The following DYNC2H1 variants were observed in gnomAD, a reference collection of about 807,000 sequenced individuals.
DYNC2H1 encodes dynein cytoplasmic 2 heavy chain 1.
Under a neutral mutation model 570.0 loss-of-function variants are expected in DYNC2H1, and 410 were observed. The observed-to-expected ratio is 0.72, with a 90% CI of 0.66 to 0.78. The LOEUF (loss-of-function observed/expected upper bound fraction) is 0.78. DYNC2H1 is among the 30% of genes least tolerant of loss of function. DYNC2H1 has a pLI of 0.00. For synonymous variants in DYNC2H1, 1,688 were observed against 1,677.6 expected (o/e 1.01, Z -0.15); for missense variants, 4,865 against 5,046.4 (o/e 0.96, Z 1.09).
rs376307935 is a variant in DYNC2H1 at position 103,170,912 on chromosome 11, A to C, written c.5178A>C (p.Arg1726=). The part of the protein sequence containing the change: ...DEGIDVKSMG[R]IFVGLVKCGA... ...GCATCGATGTGAAGTCAATGGGACGAATATTTGTTGGTTTGGTGAAGTGTG... is the reference window on the plus strand; with the variant it reads ...GCATCGATGTGAAGTCAATGGGACGCATATTTGTTGGTTTGGTGAAGTGTG... Residue 1726 remains arginine, a synonymous_variant, in exon 34 of 89, where the codon CGA becomes CGC. Coordinates refer to ENST00000375735, the MANE Select transcript of DYNC2H1 (RefSeq NM_001377.3). The surrounding 1 kb of genome is among the most constrained non-coding windows in gnomAD (Gnocchi z 4.8). 7.6e-6 allele frequency: 12 copies of C among 1,577,868 alleles called. No individual in the cohort carries two copies. The highest frequency in any genetic ancestry group is 1.7e-4 in the Middle Eastern group (1 of 5,914).
intron 85 of DYNC2H1, among the ~76,000 whole-genome samples, chr11:103,441,232 T>G (rs1371311034): frequency 6.6e-6 from 1 of 152,028 alleles, no homozygotes; most frequent in African/African-American, 2.4e-5. Flanking sequence ...CTGCTTCCTC[T>G]CCTTGGAATG....
At chr11:103,143,513 A>G in intron 18 of DYNC2H1, 118 bp downstream of exon 18, 2 of 1,001,540 alleles carry the variant, frequency 2.0e-6, no homozygotes, top group Non-Finnish European at 2.8e-6. Flanking sequence ...TCCAGATCTC[A>G]TTTATGACAC....
Position 103,209,003 on chromosome 11 carries a change from T to C in DYNC2H1, c.8455-873T>C, listed in dbSNP as rs618011. On this transcript the variant is annotated intron_variant, in intron 52 of 88. Transcript: ENST00000375735. The surrounding 1 kb of genome is among the most constrained non-coding windows in gnomAD (Gnocchi z 4.2). ...AAAATATAAGTTTAAAATATTCTCGTATAGGTTTAAGTGTTTTGTCAGAAA... is the reference window on the plus strand; with the variant it reads ...AAAATATAAGTTTAAAATATTCTCGCATAGGTTTAAGTGTTTTGTCAGAAA... Among the ~76,000 whole-genome samples the C allele has an allele frequency of 0.93, 141,765 of 152,180 alleles. 66,059 individuals carry two copies. Among genetic ancestry groups the C allele is most frequent in the African/African-American group, 0.94 (39,048 of 41,514 alleles).
rs532660914 is a variant in DYNC2H1 at position 103,395,834 on chromosome 11, T to C, written c.12157-3829T>C. 6.6e-6 allele frequency among the ~76,000 whole-genome samples: 1 copy of C among 152,286 alleles called. No homozygotes were observed. Among genetic ancestry groups the C allele is most frequent in the African/African-American group, 2.4e-5 (1 of 41,562 alleles). On this transcript the variant is annotated intron_variant, in intron 83 of 88. Coordinates refer to ENST00000375735, the MANE Select transcript of DYNC2H1 (RefSeq NM_001377.3). The surrounding 1 kb of genome is among the most constrained non-coding windows in gnomAD (Gnocchi z 4.3). Reference sequence around the variant, plus strand: ...CTGTGGACTAAGACTTGGGAAAGGCTTCTGCCCAGACGATAGGAAATGATT... The same window carrying C: ...CTGTGGACTAAGACTTGGGAAAGGCCTCTGCCCAGACGATAGGAAATGATT...
At position 103,244,033 on chromosome 11, in the gene DYNC2H1, G is replaced by A. The variant is rs1864518795; in HGVS notation, c.9918+242G>A. On this transcript the variant is annotated intron_variant, in intron 64 of 88. Coordinates refer to ENST00000375735, the MANE Select transcript of DYNC2H1 (RefSeq NM_001377.3). This position sits in a 1 kb window ranked among gnomAD's most constrained non-coding sequence, Gnocchi z 4.3. ...AATAGTGAGTTCCTTCCCTTATAAA[G>A]ATGACAGTCTAGTAGGTTAGAGAAA... Among the ~76,000 whole-genome samples the A allele has an allele frequency of 6.6e-6, 1 of 152,080 alleles. No individual in the cohort carries two copies. The highest frequency in any genetic ancestry group is 2.4e-5 in the African/African-American group (1 of 41,444).
intron 70 of DYNC2H1, among the ~76,000 whole-genome samples, chr11:103,272,180 CCATCAGTGATAGACTGGATT>C (rs1865734317): frequency 6.6e-6 from 1 of 152,206 alleles, no homozygotes; most frequent in African/African-American, 2.4e-5. Context: ...ACCCAAATGT[CCATCAGTGATAGACTGGATT>C]AAGCAAATGT....
At chr11:103,440,113 C>T (rs565183) in intron 85 of DYNC2H1, among the ~76,000 whole-genome samples, 32,910 of 151,966 alleles carry the variant, frequency 0.22, 4,030 homozygotes, top group African/African-American at 0.31. Context: ...ATCCCTTGAC[C>T]GTACACCTGT....
At chr11:103,348,673 A>G (rs1321014896) in intron 82 of DYNC2H1, among the ~76,000 whole-genome samples, 1 of 152,152 alleles carries the variant, frequency 6.6e-6, no homozygotes, top group African/African-American at 2.4e-5. Flanking sequence ...TTATGAATAT[A>G]CCACAATTTG....
chr11:103,178,727 C>T lies in DYNC2H1; in HGVS notation c.6140-299C>T, dbSNP rs753618834. ...AAAGATATACAACAGAGCAAGCCTT[C>T]GTACATTCTCATAACATAGTAGAAG... is the stretch of plus-strand genomic sequence containing the variant. On this transcript the variant is annotated intron_variant, in intron 38 of 88. Transcript: ENST00000375735. 4.6e-5 allele frequency among the ~76,000 whole-genome samples: 7 copies of T among 151,920 alleles called. No individual in the cohort carries two copies. The South Asian group carries it at 8.3e-4, about 18-fold the overall frequency.
intron 87 of DYNC2H1, among the ~76,000 whole-genome samples, chr11:103,457,426 G>A (rs1398139590): frequency 1.3e-5 from 2 of 152,136 alleles, no homozygotes; most frequent in African/African-American, 2.4e-5. Flanking sequence ...TTCCAGTGCT[G>A]TAAGATGTGA....
chr11:103,287,456 G>A, intron 74 of DYNC2H1, 77 bp from the exon 75 acceptor site: 1 of 1,130,692 alleles, frequency 8.8e-7, no homozygotes, highest in Non-Finnish European at 1.3e-6. Flanking sequence ...TGTTTAATTA[G>A]TTAACATTAA....
At chr11:103,385,357 T>C (rs896420706) in intron 83 of DYNC2H1, among the ~76,000 whole-genome samples, 32 of 152,184 alleles carry the variant, frequency 2.1e-4, no homozygotes, top group Non-Finnish European at 4.3e-4. Flanking sequence ...ATAATTTCCA[T>C]CTTTTTTTCT....
At chr11:103,206,450 G>A (rs983111285) in intron 52 of DYNC2H1, among the ~76,000 whole-genome samples, 23 of 152,064 alleles carry the variant, frequency 1.5e-4, no homozygotes, top group Non-Finnish European at 2.9e-4. Flanking sequence ...TTATCAGAGT[G>A]CAGGTGATAT....
chr11:103,144,654 A>G (rs920847661), intron 18 of DYNC2H1, among the ~76,000 whole-genome samples: 2 of 152,138 alleles, frequency 1.3e-5, no homozygotes. Context: ...AAAGGTGTAG[A>G]TAAGGTATAG....
chr11:103,474,044 C>A (rs2135864384), intron 88 of DYNC2H1: 1 of 203,376 alleles, frequency 4.9e-6, no homozygotes, highest in Non-Finnish European at 1.1e-5. Context: ...TTTAAAAATA[C>A]CAAATATTTC....
intron 83 of DYNC2H1, among the ~76,000 whole-genome samples, chr11:103,359,210 G>T (rs1940511611): frequency 6.6e-6 from 1 of 152,138 alleles, no homozygotes; most frequent in Non-Finnish European, 1.5e-5. Context: ...TTATATCTCT[G>T]TTTTTTATAA....
chr11:103,177,470 A>G lies in DYNC2H1; in HGVS notation c.5875-86A>G. ...AAGAAATCAAAGGCTTAATTTACAC[A>G]TTAGAACAAGTGTTACAGAATAAAA... On this transcript the variant is annotated intron_variant, in intron 37 of 88. Transcript: ENST00000375735. The surrounding 1 kb of genome is among the most constrained non-coding windows in gnomAD (Gnocchi z 4.4). 2 of 1,381,326 alleles carry G rather than the reference A, an allele frequency of 1.4e-6. 1 individual carries two copies. The highest frequency in any genetic ancestry group is 3.0e-5 in the South Asian group (2 of 67,680). The allele number at this position is 1,381,326 out of a possible 1,614,324, so 85.6% of individuals were successfully genotyped here.
intron 5 of DYNC2H1, 80 bp from the exon 6 acceptor site, chr11:103,117,551 T>C (rs1240836839): frequency 8.7e-7 from 1 of 1,151,322 alleles, no homozygotes; most frequent in Non-Finnish European, 1.2e-6. Context: ...TTTAAAAATA[T>C]TGTCATAAGC....
In DYNC2H1 at chr11:103,166,487, C is replaced by T. The variant is rs191323470; in HGVS notation, c.4762+439C>T. Among the ~76,000 whole-genome samples, 59 of 152,218 alleles carry T rather than the reference C, an allele frequency of 3.9e-4. No homozygotes were observed. In the East Asian group the frequency reaches 4.1e-3, roughly 10 times the overall value. ...TGTCATTTTCCTTCTGTCTAAAGAA[C>T]TTCTTTTAGTGTTTCTTTTGGAGAA... On this transcript the variant is annotated intron_variant, in intron 31 of 88. Coordinates refer to ENST00000375735, the MANE Select transcript of DYNC2H1 (RefSeq NM_001377.3).
Sources: allele counts gnomAD v4.1 joint callset (sites outside exome capture counted in the v4.1 genomes callset), GRCh38; gene constraint gnomAD v4.1.1; non-coding constraint Gnocchi (gnomAD v3.1); transcripts MANE v1.5; gene names NCBI Gene and HGNC (gene_info 2026-07-23, HGNC 2026-07-21).